OSMR: variants seen among roughly 807,000 people sequenced by gnomAD.
OSMR encodes oncostatin-M-specific receptor subunit beta.
OSMR carries 81 observed loss-of-function variants against 99.9 expected under a neutral mutation model. The observed-to-expected ratio is 0.81, with a 90% CI of 0.68 to 0.97. The LOEUF (loss-of-function observed/expected upper bound fraction) is 0.97, where lower values mean the gene tolerates loss of function less well. OSMR is among the 50% of genes least tolerant of loss of function. The pLI, the probability that OSMR is intolerant of heterozygous loss-of-function variation, is 0.00. For missense variants in OSMR, 1,099 were observed against 1,153.4 expected, an observed-to-expected ratio of 0.95 and a Z score of 0.68; for synonymous variants, 406 against 410.4, an observed-to-expected ratio of 0.99 and a Z score of 0.13.
At chr5:38,879,023 G>A (rs757807063) in intron 3 of OSMR, among the ~76,000 whole-genome samples, 4 of 152,214 alleles carry the variant, frequency 2.6e-5, no homozygotes, top group Non-Finnish European at 4.4e-5. Context: ...GTGAACACAC[G>A]CATAGGGTAT....
chr5:38,864,170 G>C (rs1741744492), intron 1 of OSMR, among the ~76,000 whole-genome samples: 1 of 152,150 alleles, frequency 6.6e-6, no homozygotes, highest in African/African-American at 2.4e-5. Flanking sequence ...TTATTGATAG[G>C]TGAAGATTTA....
Position 38,921,792 on chromosome 5 carries a change from C to G in OSMR, c.1763C>G (p.Thr588Arg), listed in dbSNP as rs1268170511. The change falls in exon 12 of 18, where the codon ACA becomes AGA. Residue 588 changes from threonine (T) to arginine (R), a missense_variant and splice_region_variant. By Grantham distance (71) the Thr-to-Arg change is moderately conservative (BLOSUM62 -1). Coordinates refer to ENST00000274276, the MANE Select transcript of OSMR (RefSeq NM_003999.3). The part of the protein sequence containing the change: ...GPNTTSTVIS[T>R]DAFRPGVRYD... Reference sequence around the variant, plus strand: ...AATACCACAAGCACAGTCATTAGCACAGGTAAGAAGAAGCTTCCATATCAT... The same window carrying G: ...AATACCACAAGCACAGTCATTAGCAGAGGTAAGAAGAAGCTTCCATATCAT... 5 of 1,612,568 alleles carry G rather than the reference C, an allele frequency of 3.1e-6. No homozygotes were observed. Among genetic ancestry groups the G allele is most frequent in the Non-Finnish European group, 3.4e-6 (4 of 1,178,686 alleles).
intron 9 of OSMR, among the ~76,000 whole-genome samples, chr5:38,908,351 C>A (rs1745375436): frequency 6.6e-6 from 1 of 152,224 alleles, no homozygotes. Context: ...CCCACCAGGG[C>A]AACTGCATGC....
intron 14 of OSMR, 192 bp from the exon 15 acceptor site, chr5:38,925,012 T>C: frequency 2.2e-6 from 2 of 920,112 alleles, no homozygotes; most frequent in Non-Finnish European, 2.6e-6. Flanking sequence ...TTGCTTTTTG[T>C]GCCATCTCCT....
intron 1 of OSMR, among the ~76,000 whole-genome samples, chr5:38,856,109 C>T (rs1740817999): frequency 6.6e-6 from 1 of 152,184 alleles, no homozygotes; most frequent in East Asian, 1.9e-4. Flanking sequence ...AAACAGTTGG[C>T]ACACTTGGAA....
At chr5:38,917,802 G>C (rs357262) in intron 10 of OSMR, among the ~76,000 whole-genome samples, 180 bp downstream of exon 10, 101,137 of 151,994 alleles carry the variant, frequency 0.67, 34,383 homozygotes, top group African/African-American at 0.81. Flanking sequence ...TTTGATAGCT[G>C]ATGCAACTGA....
intron 1 of OSMR, among the ~76,000 whole-genome samples, chr5:38,858,317 C>CTT (rs79742677): frequency 4.3e-5 from 6 of 139,684 alleles, no homozygotes; most frequent in African/African-American, 5.2e-5. Flanking sequence ...ATGAGATCCA[C>CTT]TTTTTTTTTT....
At chr5:38,861,021 C>T (rs1741243479) in intron 1 of OSMR, among the ~76,000 whole-genome samples, 1 of 152,114 alleles carries the variant, frequency 6.6e-6, no homozygotes, top group African/African-American at 2.4e-5. Context: ...GCTATTTTTC[C>T]AAAGAAAATT....
chr5:38,921,426 T>C (rs1746227416), intron 11 of OSMR, 189 bp from the exon 12 acceptor site: 1 of 937,022 alleles, frequency 1.1e-6, no homozygotes, highest in Non-Finnish European at 1.3e-6. Context: ...GGTGTGAATA[T>C]TCGCTGGGAA....
chr5:38,857,471 C>T (rs1579626925), intron 1 of OSMR, among the ~76,000 whole-genome samples: 1 of 152,062 alleles, frequency 6.6e-6, no homozygotes, highest in African/African-American at 2.4e-5. Flanking sequence ...CTTTAATATT[C>T]AGTTGTAATA....
intron 1 of OSMR, chr5:38,943,155 T>TG (rs201162851): frequency 5.4e-6 from 2 of 373,744 alleles, no homozygotes; most frequent in Non-Finnish European, 4.6e-6. Flanking sequence ...ATTCTGAGTT[T>TG]GGGTTTTTTT....
intron 5 of OSMR, chr5:38,885,074 T>G (rs1743601329): frequency 2.1e-6 from 1 of 479,838 alleles, no homozygotes; most frequent in Non-Finnish European, 2.7e-6. Context: ...GATACAACCC[T>G]TGTCAAATGG....
chr5:38,852,484 C>T (rs181582048), intron 1 of OSMR, among the ~76,000 whole-genome samples: 90 of 152,080 alleles, frequency 5.9e-4, no homozygotes, highest in Non-Finnish European at 9.7e-4. Context: ...TTAAACGTTA[C>T]CAATTGGATA....
rs145909249 is a variant in OSMR at position 38,871,710 on chromosome 5, C to T, written c.73+2593C>T. On this transcript the variant is annotated intron_variant, in intron 2 of 17. Transcript: ENST00000274276. ...ACAGATAGAGATAGGGAGATGAATA[C>T]ATAGTGTGTTTTTAAATAAAAGTTA... is the stretch of plus-strand genomic sequence containing the variant. Among the ~76,000 whole-genome samples, 207 of 152,276 alleles carry T rather than the reference C, an allele frequency of 1.4e-3. 2 individuals are homozygous for T. The highest frequency in any genetic ancestry group is 1.8e-3 in the Non-Finnish European group (121 of 68,030).
At position 38,932,468 on chromosome 5, in the gene OSMR, A is replaced by T. The variant is rs777178721; in HGVS notation, c.2300A>T (p.Lys767Met). 1 of 1,613,078 alleles carries T rather than the reference A, an allele frequency of 6.2e-7. No homozygotes were observed. Among genetic ancestry groups the T allele is most frequent in the Non-Finnish European group, 8.5e-7 (1 of 1,179,038 alleles). The change falls in exon 17 of 18, where the codon AAG becomes ATG. Residue 767 changes from lysine to methionine, a missense_variant. Physicochemically the swap from Lys to Met is moderately conservative, Grantham distance 95 (BLOSUM62 -1). Transcript: ENST00000274276. ...VMCYLKSQWI[K>M]ETCYPDIPDP... ...ATTTTCGCTTTTTTTTCTAGGATCA[A>T]GGAGACCTGTTATCCTGACATCCCT...
At chr5:38,926,228 G>A (rs758818841) in intron 15 of OSMR, among the ~76,000 whole-genome samples, 4 of 152,180 alleles carry the variant, frequency 2.6e-5, no homozygotes, top group Non-Finnish European at 5.9e-5. Flanking sequence ...TTTCCTTAAT[G>A]TATGGTGCCC....
downstream of OSMR, among the ~76,000 whole-genome samples, chr5:38,937,082 T>G (rs1305470050): frequency 6.6e-6 from 1 of 152,254 alleles, no homozygotes; most frequent in African/African-American, 2.4e-5. This position sits in a 1 kb window ranked among gnomAD's most constrained non-coding sequence, Gnocchi z 4.0. Flanking sequence ...TCGCCCAGGC[T>G]GGAGTGCAGT....
At chr5:38,940,130 T>TAAAAAA (rs1554057737), downstream of OSMR, 44 of 86,272 alleles carry the variant, frequency 5.1e-4, no homozygotes, top group African/African-American at 2.0e-3. Flanking sequence ...AAAGTAACAG[T>TAAAAAA]AAAAAAAAAA....
chr5:38,863,269 G>C (rs1741659143), intron 1 of OSMR, among the ~76,000 whole-genome samples: 3 of 143,464 alleles, frequency 2.1e-5, no homozygotes, highest in African/African-American at 7.8e-5. Flanking sequence ...GGCCAGGTGT[G>C]GTGGCTCATG....
Sources: gnomAD v4.1 joint callset for allele counts (sites outside exome capture counted in the v4.1 genomes callset) on GRCh38, gnomAD v4.1.1 for gene constraint, Gnocchi (gnomAD v3.1) non-coding constraint, MANE v1.5 for transcripts, NCBI Gene and HGNC (gene_info 2026-07-23, HGNC 2026-07-21) for gene names.